IL10: variants seen among roughly 807,000 people sequenced by gnomAD.
The protein encoded by IL10 is interleukin 10, also known as interleukin-10.
A neutral mutation model predicts 21.0 loss-of-function variants in IL10; 7 were observed. The ratio of observed to expected loss-of-function variants is 0.33; its 90% CI spans 0.19 to 0.63. The LOEUF is 0.63. IL10 is among the 20% of genes least tolerant of loss of function. IL10 has a pLI of 0.77. For missense variants in IL10, 161 were observed against 213.0 expected (o/e 0.76, Z 1.52); for synonymous variants, 83 against 79.7 (o/e 1.04, Z -0.22).
Position 206,768,308 on chromosome 1 carries a change from A to T in IL10, c.*328T>A. ...AGCTTCTGTTGGCTCCCCAAAGAAC[A>T]TTTTTTTTCCTCCCTTATGTAACTT... On this transcript the variant is annotated 3_prime_UTR_variant, in exon 5 of 5. Transcript: ENST00000423557. 3.1e-6 allele frequency: 1 copy of T among 323,798 alleles called. No individual in the cohort carries two copies. The highest frequency in any genetic ancestry group is 5.8e-6 in the Non-Finnish European group (1 of 173,760). The allele number at this position is 323,798 out of a possible 1,614,324, so 20.1% of individuals were successfully genotyped here. A position where few individuals can be genotyped will look rare whatever the true frequency, so the allele number is the denominator to read the frequency against.
intron 1 of IL10, 117 bp downstream of exon 1, chr1:206,772,154 G>A (rs982789142): frequency 1.1e-6 from 1 of 881,572 alleles, no homozygotes; most frequent in Non-Finnish European, 1.9e-6. Flanking sequence ...AAGTTTGGGG[G>A]AATAGGTGTT....
intron 4 of IL10, chr1:206,769,601 G>C (rs1290290085): frequency 1.7e-6 from 1 of 602,090 alleles, no homozygotes; most frequent in Non-Finnish European, 3.0e-6. Flanking sequence ...AGCCTGCAAA[G>C]GCAGCGAGCA....
At position 206,771,343 on chromosome 1, in the gene IL10, C is replaced by A; in HGVS notation, c.225+13G>T. The A allele has an allele frequency of 6.2e-7, 1 of 1,611,666 alleles. No homozygotes were observed. The highest frequency in any genetic ancestry group is 8.5e-7 in the Non-Finnish European group (1 of 1,178,026). On this transcript the variant is annotated intron_variant, in intron 2 of 4. Transcript: ENST00000423557. ...TGCTGCACACTCCCCCAGCACCCCG[C>A]CCCTGCTCTCACCTTAAAGTCCTCC... is the stretch of plus-strand genomic sequence containing the variant.
In IL10 at chr1:206,768,587, AG is replaced by A; in HGVS notation, c.*48del. 9.2e-7 allele frequency: 1 copy of A among 1,082,112 alleles called. No homozygotes were observed. Among genetic ancestry groups the A allele is most frequent in the African/African-American group, 1.5e-5 (1 of 64,778 alleles). 67.0% of individuals were successfully genotyped at this position (1,082,112 alleles called of 1,614,324 possible). On this transcript the variant is annotated 3_prime_UTR_variant, in exon 5 of 5. Transcript: ENST00000423557. ...CCCAGAGCCCCAGATCCGATTTTGGAGACCTCTAATTTATGTCCTAGAGTCT... is the reference window on the plus strand; with the variant it reads ...CCCAGAGCCCCAGATCCGATTTTGGAACCTCTAATTTATGTCCTAGAGTCT...
chr1:206,770,550 T>A lies in IL10; in HGVS notation c.378+357A>T, dbSNP rs967469305. 19 of 341,170 alleles carry A rather than the reference T, an allele frequency of 5.6e-5. 1 individual carries two copies. The highest frequency in any genetic ancestry group is 5.4e-4 in the South Asian group (16 of 29,770). 21.1% of individuals were successfully genotyped at this position (341,170 alleles called of 1,614,324 possible). A position where few individuals can be genotyped will look rare whatever the true frequency, so the allele number is the denominator to read the frequency against. ...TAAAAGAGGTGAATGATGTTTCCTC[T>A]GCTTGGGAACCTTAGCTCCCCGCCC... On this transcript the variant is annotated intron_variant, in intron 3 of 4. Transcript: ENST00000423557.
chr1:206,768,814 G>A (rs1047845390), intron 4 of IL10, 86 bp from the exon 5 acceptor site: 4 of 803,240 alleles, frequency 5.0e-6, no homozygotes, highest in Non-Finnish European at 8.8e-6. Context: ...GGATGGGCAT[G>A]ACCTTGAGTG....
Position 206,768,122 on chromosome 1 carries a change from G to A in IL10, c.*514C>T. Reference sequence around the variant, plus strand: ...AATGAGGTTAGGGGAATCCCTCCGAGACACTGGAAGGTGAATTAATCATCA... The same window carrying A: ...AATGAGGTTAGGGGAATCCCTCCGAAACACTGGAAGGTGAATTAATCATCA... On this transcript the variant is annotated 3_prime_UTR_variant, in exon 5 of 5. Transcript: ENST00000423557. The A allele has an allele frequency of 4.6e-6, 1 of 218,636 alleles. No homozygotes were observed. Among genetic ancestry groups the A allele is most frequent in the Admixed American group, 5.6e-5 (1 of 18,016 alleles). The allele number at this position is 218,636 out of a possible 1,614,324, so 13.5% of individuals were successfully genotyped here.
intron 4 of IL10, 57 bp from the exon 5 acceptor site, chr1:206,768,785 TC>T: frequency 9.8e-7 from 1 of 1,021,452 alleles, no homozygotes. Context: ...CTAAATAGGC[TC>T]CCCTCCCTCA....
intron 4 of IL10, chr1:206,769,593 C>G: frequency 1.7e-6 from 1 of 593,738 alleles, no homozygotes; most frequent in East Asian, 2.8e-5. Flanking sequence ...AACCCGCAAG[C>G]CTGCAAAGGC....
chr1:206,770,470 A>G (rs1674793765), intron 3 of IL10: 1 of 260,582 alleles, frequency 3.8e-6, no homozygotes, highest in Non-Finnish European at 7.5e-6. Flanking sequence ...TGCCAGGGGA[A>G]ATCCTGTCAG....
intron 1 of IL10, 70 bp downstream of exon 1, chr1:206,772,201 T>C: frequency 2.2e-6 from 3 of 1,393,188 alleles, no homozygotes; most frequent in Admixed American, 1.7e-5. Context: ...AGGGTTCTTA[T>C]AGTTCCAGGA....
intron 2 of IL10, 74 bp from the exon 3 acceptor site, chr1:206,771,133 A>G (rs1463605856): frequency 6.6e-7 from 1 of 1,511,936 alleles, no homozygotes; most frequent in Admixed American, 1.7e-5. Flanking sequence ...CAACTAGCTT[A>G]AGAGGACAGC....
Position 206,768,302 on chromosome 1 carries a change from A to G in IL10, c.*334T>C, listed in dbSNP as rs957125812. On this transcript the variant is annotated 3_prime_UTR_variant, in exon 5 of 5. Coordinates refer to ENST00000423557, the MANE Select transcript of IL10 (RefSeq NM_000572.3). ...AATGGAAGCTTCTGTTGGCTCCCCA[A>G]AGAACATTTTTTTTCCTCCCTTATG... 3.1e-6 allele frequency: 1 copy of G among 322,466 alleles called. No individual in the cohort carries two copies. The highest frequency in any genetic ancestry group is 5.8e-6 in the Non-Finnish European group (1 of 173,202). 20.0% of individuals were successfully genotyped at this position (322,466 alleles called of 1,614,324 possible).
chr1:206,769,628 C>T lies in IL10; in HGVS notation c.444+201G>A, dbSNP rs1180696789. On this transcript the variant is annotated intron_variant, in intron 4 of 4. Coordinates refer to ENST00000423557, the MANE Select transcript of IL10 (RefSeq NM_000572.3). ...CAGCGAGCAGTCATTTAGAAACCCC[C>T]AAAGACACTTAACAGAAAACAAATA... is the stretch of plus-strand genomic sequence containing the variant. 23 of 638,578 alleles carry T rather than the reference C, an allele frequency of 3.6e-5. No individual in the cohort carries two copies. In the South Asian group the frequency reaches 4.2e-4, roughly 12 times the overall value. 39.6% of individuals were successfully genotyped at this position (638,578 alleles called of 1,614,324 possible).
At chr1:206,769,597 C>A in intron 4 of IL10, 1 of 597,366 alleles carries the variant, frequency 1.7e-6, no homozygotes, top group Non-Finnish European at 3.0e-6. Context: ...CGCAAGCCTG[C>A]AAAGGCAGCG....
chr1:206,772,222 T>TC, intron 1 of IL10, 49 bp downstream of exon 1: 1 of 1,547,002 alleles, frequency 6.5e-7, no homozygotes, highest in Non-Finnish European at 8.9e-7. Flanking sequence ...GAATGTCTAG[T>TC]TCAGGCAGTC....
intron 3 of IL10, among the ~76,000 whole-genome samples, chr1:206,770,129 C>T (rs1365486792): frequency 1.3e-5 from 2 of 152,160 alleles, no homozygotes; most frequent in Admixed American, 1.3e-4. Flanking sequence ...CTTGGGATTC[C>T]TTCCTCCCCC....
intron 3 of IL10, 85 bp from the exon 4 acceptor site, chr1:206,769,979 G>A (rs1674774030): frequency 3.0e-5 from 32 of 1,055,940 alleles, no homozygotes; most frequent in Non-Finnish European, 4.6e-5. Context: ...GTGGCATCAT[G>A]AGGAGGCCAG....
At chr1:206,769,414 G>C (rs1159240054) in intron 4 of IL10, among the ~76,000 whole-genome samples, 1 of 152,264 alleles carries the variant, frequency 6.6e-6, no homozygotes, top group Non-Finnish European at 1.5e-5. Context: ...GTTCTGGGGA[G>C]TCTGGGCTGA....
Sources: allele counts gnomAD v4.1 joint callset (sites outside exome capture counted in the v4.1 genomes callset), GRCh38; gene constraint gnomAD v4.1.1; transcripts MANE v1.5; gene names NCBI Gene and HGNC (gene_info 2026-07-23, HGNC 2026-07-21).